Variants in LRRC27 observed in about 807,000 individuals in gnomAD.
LRRC27 encodes leucine-rich repeat-containing protein 27.
In LRRC27, 57 loss-of-function variants were observed where a neutral mutation model predicts 55.0. That is an observed-to-expected ratio of 1.04 (90% confidence interval 0.84 to 1.29). The LOEUF is 1.29. Ranked by LOEUF, LRRC27 falls within the 50% of genes most tolerant of loss-of-function variation. The probability of loss-of-function intolerance (pLI) is 0.00; values close to 1 mark genes in which losing one functional copy is unlikely to be tolerated. For missense variants in LRRC27, 721 were observed against 651.5 expected (o/e 1.11, Z -1.16); for synonymous variants, 278 against 251.9 (o/e 1.10, Z -0.98).
Position 132,378,740 on chromosome 10 carries a change from C to T in LRRC27, c.*3498C>T, listed in dbSNP as rs973885692. 1.3e-5 allele frequency: 2 copies of T among 152,318 alleles called. No homozygotes were observed. The highest frequency in any genetic ancestry group is 2.1e-4 in the South Asian group (1 of 4,866). The allele number at this position is 152,318 out of a possible 1,614,324, so 9.4% of individuals were successfully genotyped here. A position where few individuals can be genotyped will look rare whatever the true frequency, so the allele number is the denominator to read the frequency against. ...ATAGAGAAAAAAACACAAACATAGA[C>T]GATTGTACCATTGCACTCAGAAGAA... On this transcript the variant is annotated 3_prime_UTR_variant, in exon 11 of 11. Transcript: ENST00000368614.
At chr10:132,364,710 C>G (rs2068938304) in intron 9 of LRRC27, among the ~76,000 whole-genome samples, 1 of 72,482 alleles carries the variant, frequency 1.4e-5, no homozygotes, top group African/African-American at 5.9e-5. Flanking sequence ...GGGCCCCACA[C>G]TCATGCAGTC....
chr10:132,378,129 C>T lies in LRRC27; in HGVS notation c.*2887C>T, dbSNP rs981171787. On this transcript the variant is annotated 3_prime_UTR_variant, in exon 11 of 11. Coordinates refer to ENST00000368614, the MANE Select transcript of LRRC27 (RefSeq NM_030626.3). ...GACGGAGCTTGCAGTGAGCCGAGAT[C>T]GCGCCACTGCACTCCAGCCTGGGCG... 1 of 151,148 alleles carries T rather than the reference C, an allele frequency of 6.6e-6. No homozygotes were observed. The highest frequency in any genetic ancestry group is 1.5e-5 in the Non-Finnish European group (1 of 67,886). The allele number at this position is 151,148 out of a possible 1,614,324, so 9.4% of individuals were successfully genotyped here.
chr10:132,331,545 G>A (rs1162843429), upstream of LRRC27: 1 of 1,612,950 alleles, frequency 6.2e-7, no homozygotes, highest in Non-Finnish European at 8.5e-7. Flanking sequence ...CAAGATTTGG[G>A]GACAAGCAGC....
At chr10:132,364,182 ATAGT>A (rs2068790222) in intron 9 of LRRC27, among the ~76,000 whole-genome samples, 1 of 151,876 alleles carries the variant, frequency 6.6e-6, no homozygotes, top group Non-Finnish European at 1.5e-5. Context: ...TTTCTTTTCC[ATAGT>A]TACTCTGAAA....
At chr10:132,333,003 C>T (rs1422669924) in intron 1 of LRRC27, among the ~76,000 whole-genome samples, 1 of 152,174 alleles carries the variant, frequency 6.6e-6, no homozygotes, top group African/African-American at 2.4e-5. Context: ...GGGTGTAAGC[C>T]AGACTTAGTT....
chr10:132,372,842 C>T lies in LRRC27; in HGVS notation c.1417-2224C>T, dbSNP rs756067402. Among the ~76,000 whole-genome samples the T allele has an allele frequency of 1.2e-4, 19 of 152,110 alleles. No homozygotes were observed. Among genetic ancestry groups the T allele is most frequent in the Non-Finnish European group, 2.1e-4 (14 of 68,016 alleles). The stretch of plus-strand genomic sequence containing the variant: ...CCAACCAAGACAGAAGCCACCTGGG[C>T]GTACCCTAGACAGCCCCAGCCTGCA... On this transcript the variant is annotated intron_variant, in intron 10 of 10. Transcript: ENST00000368614. The surrounding 1 kb of genome is among the most constrained non-coding windows in gnomAD (Gnocchi z 4.0).
chr10:132,350,355 A>G (rs1221228947), intron 6 of LRRC27: 1 of 152,230 alleles, frequency 6.6e-6, no homozygotes, highest in Admixed American at 6.5e-5. Context: ...CAGCTCCTCC[A>G]TACCCCTCAG....
upstream of LRRC27, chr10:132,331,611 C>A (rs766912647): frequency 2.1e-4 from 331 of 1,612,888 alleles, no homozygotes; most frequent in Middle Eastern, 2.3e-3. Context: ...GTGAGCCCAG[C>A]GGGAAGGACA....
In LRRC27 at chr10:132,333,729, C is replaced by A. The variant is rs2138572954; in HGVS notation, c.205C>A (p.Leu69Ile). The change falls in exon 2 of 11, where the codon CTT becomes ATT. Residue 69 changes from leucine (L) to isoleucine (I), a missense_variant. Leu to Ile is a conservative substitution (Grantham distance 5). Coordinates refer to ENST00000368614, the MANE Select transcript of LRRC27 (RefSeq NM_030626.3). ...RLEEVFRIPS[L>I]QQLHLQRNAL... ...GGAGGAGGTCTTTAGAATCCCCAGCCTTCAAGTAAGTGGGGCTGCTCCTCA... is the reference window on the plus strand; with the variant it reads ...GGAGGAGGTCTTTAGAATCCCCAGCATTCAAGTAAGTGGGGCTGCTCCTCA... The A allele has an allele frequency of 3.1e-6, 5 of 1,612,342 alleles. No homozygotes were observed. The East Asian group carries it at 1.1e-4, about 36-fold the overall frequency.
At position 132,337,569 on chromosome 10, in the gene LRRC27, T is replaced by A; in HGVS notation, c.215T>A (p.Leu72Ter). The A allele has an allele frequency of 1.2e-6, 2 of 1,612,492 alleles. No homozygotes were observed. The highest frequency in any genetic ancestry group is 1.7e-6 in the Non-Finnish European group (2 of 1,179,486). Reference protein sequence around the residue: ...EVFRIPSLQQLHLQRNALCVI... With the variant: ...EVFRIPSLQQ ...TGATTCTCTTTTCCATGGAAGCAAT[T>A]GCATCTGCAAAGGAATGCCCTGTGT... The change falls in exon 3 of 11, where the codon TTG (leucine) becomes TAG (stop). Residue 72 changes from leucine to a stop codon, truncating the protein, a stop_gained. Transcript: ENST00000368614. LOFTEE classifies it high-confidence loss of function.
At chr10:132,337,826 A>G (rs2067207699) in intron 3 of LRRC27, 131 bp downstream of exon 3, 1 of 1,111,960 alleles carries the variant, frequency 9.0e-7, no homozygotes, top group African/African-American at 1.8e-5. Flanking sequence ...GTATTTTTAA[A>G]GCCAGCTAAG....
chr10:132,337,471 G>A, intron 2 of LRRC27, 94 bp from the exon 3 acceptor site: 1 of 1,536,884 alleles, frequency 6.5e-7, no homozygotes, highest in Non-Finnish European at 8.8e-7. Context: ...GGTTCTGGTT[G>A]TTAGTAGTTC....
At chr10:132,342,948 A>G (rs935877522) in intron 4 of LRRC27, among the ~76,000 whole-genome samples, 2 of 152,196 alleles carry the variant, frequency 1.3e-5, no homozygotes, top group Admixed American at 6.5e-5. Context: ...TAAAAGTACA[A>G]ACATTAAGAT....
chr10:132,375,306 C>A lies in LRRC27; in HGVS notation c.*64C>A, dbSNP rs992765485. ...GAGCCGCTCAGTCTTCTTTCCCGGG[C>A]GTCGCCTCCTGTGTGGTGCCGGAAG... On this transcript the variant is annotated 3_prime_UTR_variant, in exon 11 of 11. Coordinates refer to ENST00000368614, the MANE Select transcript of LRRC27 (RefSeq NM_030626.3). 4 of 1,488,886 alleles carry A rather than the reference C, an allele frequency of 2.7e-6. No individual in the cohort carries two copies. The highest frequency in any genetic ancestry group is 2.7e-6 in the Non-Finnish European group (3 of 1,096,510). The allele number at this position is 1,488,886 out of a possible 1,614,324, so 92.2% of individuals were successfully genotyped here. A position where few individuals can be genotyped will look rare whatever the true frequency, so the allele number is the denominator to read the frequency against.
chr10:132,374,319 G>C lies in LRRC27; in HGVS notation c.1417-747G>C, dbSNP rs533347696. On this transcript the variant is annotated intron_variant, in intron 10 of 10. Coordinates refer to ENST00000368614, the MANE Select transcript of LRRC27 (RefSeq NM_030626.3). The surrounding 1 kb of genome is among the most constrained non-coding windows in gnomAD (Gnocchi z 4.4). ...ACCTGTGCCCCCAGCAAGGCAAGCCGGGGAGGGAGACGGGAGCCGGGTGGC... is the reference window on the plus strand; with the variant it reads ...ACCTGTGCCCCCAGCAAGGCAAGCCCGGGAGGGAGACGGGAGCCGGGTGGC... Among the ~76,000 whole-genome samples the C allele has an allele frequency of 6.6e-6, 1 of 152,160 alleles. No individual in the cohort carries two copies. Among genetic ancestry groups the C allele is most frequent in the Non-Finnish European group, 1.5e-5 (1 of 68,016 alleles).
chr10:132,358,444 GAGC>G lies in LRRC27; in HGVS notation c.1170+2562_1170+2564del, dbSNP rs2068418184. ...AGCGTGGGGAGGAGCCGAGGTGATG[GAGC>G]AGCGTGGGGAGGAGCCGAGGTGATG... On this transcript the variant is annotated intron_variant, in intron 8 of 10. Transcript: ENST00000368614. Among the ~76,000 whole-genome samples the G allele has an allele frequency of 2.0e-4, 2 of 9,874 alleles. 1 individual carries two copies. The highest frequency in any genetic ancestry group is 2.2e-3 in the Admixed American group (2 of 922). The allele number at this position is 9,874 out of a possible 152,430, so 6.5% of individuals were successfully genotyped here.
intron 8 of LRRC27, among the ~76,000 whole-genome samples, chr10:132,359,339 A>C (rs1428742688): frequency 1.3e-5 from 2 of 152,210 alleles, no homozygotes; most frequent in Non-Finnish European, 2.9e-5. Context: ...TGTGTATTTC[A>C]GTATTGTTGG....
chr10:132,366,702 G>T, intron 10 of LRRC27: 1 of 483,472 alleles, frequency 2.1e-6, no homozygotes, highest in African/African-American at 2.1e-5. Flanking sequence ...CCCGAACACA[G>T]GTCAGGCTGG....
chr10:132,365,225 C>T (rs1453917487), intron 9 of LRRC27, among the ~76,000 whole-genome samples, 199 bp from the exon 10 acceptor site: 1 of 152,158 alleles, frequency 6.6e-6, no homozygotes, highest in Non-Finnish European at 1.5e-5. Flanking sequence ...CCCAGGCCCC[C>T]CGGCGTGAGT....
Sources: gnomAD v4.1 joint callset for allele counts (sites outside exome capture counted in the v4.1 genomes callset) on GRCh38, gnomAD v4.1.1 for gene constraint, Gnocchi (gnomAD v3.1) non-coding constraint, MANE v1.5 for transcripts, NCBI Gene and HGNC (gene_info 2026-07-23, HGNC 2026-07-21) for gene names.